Variants in CORO1C observed in about 807,000 individuals in gnomAD.
CORO1C encodes coronin 1C.
In CORO1C, 14 loss-of-function variants were observed where a neutral mutation model predicts 51.2. The ratio of observed to expected loss-of-function variants is 0.27; its 90% CI spans 0.18 to 0.43. The LOEUF is 0.43. Among genes scored for constraint, CORO1C ranks in the 20% least tolerant of loss-of-function variants. The probability of loss-of-function intolerance (pLI) is 1.00; values close to 1 mark genes in which losing one functional copy is unlikely to be tolerated. For missense variants in CORO1C, 417 were observed against 607.8 expected (o/e 0.69, Z 3.30); for synonymous variants, 181 against 210.5 (o/e 0.86, Z 1.21).
intron 2 of CORO1C, among the ~76,000 whole-genome samples, chr12:108,679,569 A>G (rs2034050893): frequency 6.6e-6 from 1 of 152,252 alleles, no homozygotes; most frequent in South Asian, 2.1e-4. Context: ...GAACCACTGC[A>G]ATGTATGGCT....
chr12:108,711,715 T>C (rs183756124), intron 1 of CORO1C, among the ~76,000 whole-genome samples: 98 of 149,646 alleles, frequency 6.5e-4, no homozygotes, highest in Admixed American at 1.4e-3. Context: ...ATAAGCTACA[T>C]AGGAAACATG....
In CORO1C at chr12:108,648,731, C is replaced by A. The variant is rs764648546; in HGVS notation, c.1179G>T (p.Gly393=). ...ADPILISLKH[G]YIPGKNRDLK... is the part of the protein sequence containing the mutation. ...GATCCCTGTTTTTGCCTGGAATGTA[C>A]CCGTGCTTCAAGGAGATGAGGATTG... is the stretch of plus-strand genomic sequence containing the variant. Residue 393 remains glycine (G), a synonymous_variant, in exon 10 of 11, where the codon GGG becomes GGT. Transcript: ENST00000261401. The A allele has an allele frequency of 6.2e-7, 1 of 1,614,164 alleles. No homozygotes were observed. Among genetic ancestry groups the A allele is most frequent in the Non-Finnish European group, 8.5e-7 (1 of 1,180,028 alleles).
intron 6 of CORO1C, among the ~76,000 whole-genome samples, chr12:108,656,037 G>A (rs1332759973): frequency 4.7e-5 from 7 of 150,146 alleles, no homozygotes; most frequent in South Asian, 2.1e-4. Context: ...CCGGGACCCC[G>A]TCTGGGAGGT....
intron 2 of CORO1C, among the ~76,000 whole-genome samples, chr12:108,686,228 A>C (rs570179194): frequency 6.6e-6 from 1 of 152,258 alleles, no homozygotes; most frequent in Non-Finnish European, 1.5e-5. Context: ...GAATCCATGT[A>C]TAATTAGCTA....
chr12:108,692,258 T>C (rs889301769), intron 2 of CORO1C, among the ~76,000 whole-genome samples: 6 of 152,116 alleles, frequency 3.9e-5, no homozygotes, highest in African/African-American at 1.4e-4. Flanking sequence ...CAGGAGGCAG[T>C]GAATGGGCAT....
chr12:108,728,184 C>T lies in CORO1C; in HGVS notation c.-6+3245G>A, dbSNP rs1380451146. ...AATATAGAGTTACCATACAACCCAT[C>T]GATTACATTCCTAGGTAAATACTCA... On this transcript the variant is annotated intron_variant, in intron 1 of 10. Transcript: ENST00000261401. Among the ~76,000 whole-genome samples, 4 of 152,156 alleles carry T rather than the reference C, an allele frequency of 2.6e-5. 1 individual carries two copies. The highest frequency in any genetic ancestry group is 4.8e-5 in the African/African-American group (2 of 41,490).
chr12:108,674,477 G>A (rs1353130242), intron 3 of CORO1C, among the ~76,000 whole-genome samples: 3 of 151,704 alleles, frequency 2.0e-5, no homozygotes, highest in African/African-American at 7.3e-5. Context: ...GAACCCAGGA[G>A]GCGGAGGTTG....
intron 2 of CORO1C, among the ~76,000 whole-genome samples, chr12:108,687,547 G>A (rs1224092705): frequency 2.0e-5 from 3 of 151,980 alleles, no homozygotes; most frequent in Non-Finnish European, 4.4e-5. Flanking sequence ...CACTTTGGGA[G>A]GCTGAGGCGG....
At chr12:108,663,445 A>C (rs896140543) in intron 3 of CORO1C, among the ~76,000 whole-genome samples, 33 of 152,284 alleles carry the variant, frequency 2.2e-4, no homozygotes, top group African/African-American at 7.5e-4. Context: ...CCATCTATCG[A>C]TAAATGGCTG....
At chr12:108,702,484 C>G (rs1194857234) in intron 1 of CORO1C, among the ~76,000 whole-genome samples, 1 of 152,190 alleles carries the variant, frequency 6.6e-6, no homozygotes, top group Non-Finnish European at 1.5e-5. Context: ...ACCAGGCCCT[C>G]CCTGATTAAG....
chr12:108,695,559 G>C (rs1373748325), intron 2 of CORO1C, among the ~76,000 whole-genome samples: 1 of 152,160 alleles, frequency 6.6e-6, no homozygotes, highest in Non-Finnish European at 1.5e-5. Context: ...AAGCAACTAA[G>C]AGAACCCAAT....
chr12:108,703,225 T>C (rs536664175), intron 1 of CORO1C: 131 of 313,864 alleles, frequency 4.2e-4, no homozygotes, highest in Admixed American at 1.3e-3. Context: ...TAAGCTAATG[T>C]AGAAGAAAAA....
At chr12:108,670,541 G>C (rs934403397) in intron 3 of CORO1C, among the ~76,000 whole-genome samples, 2 of 152,126 alleles carry the variant, frequency 1.3e-5, no homozygotes, top group Non-Finnish European at 1.5e-5. Flanking sequence ...AGCCAGGCTA[G>C]GAAATATTAG....
intron 3 of CORO1C, among the ~76,000 whole-genome samples, 190 bp from the exon 4 acceptor site, chr12:108,662,348 T>C (rs1245720775): frequency 6.6e-6 from 1 of 152,082 alleles, no homozygotes; most frequent in East Asian, 1.9e-4. Flanking sequence ...TTGTTTTTTG[T>C]TTTTCGTTTT....
chr12:108,684,886 T>C (rs1221419581), intron 2 of CORO1C, among the ~76,000 whole-genome samples: 1 of 152,126 alleles, frequency 6.6e-6, no homozygotes, highest in Non-Finnish European at 1.5e-5. Flanking sequence ...TTTTTTTTAC[T>C]CCCAAGGAAA....
At chr12:108,720,100 C>G (rs2035440392) in intron 1 of CORO1C, among the ~76,000 whole-genome samples, 1 of 152,112 alleles carries the variant, frequency 6.6e-6, no homozygotes, top group African/African-American at 2.4e-5. Context: ...GTGGGAGGAT[C>G]ACTTGAGCCT....
At chr12:108,670,209 C>A (rs902966021) in intron 3 of CORO1C, among the ~76,000 whole-genome samples, 8 of 152,172 alleles carry the variant, frequency 5.3e-5, no homozygotes, top group Admixed American at 5.2e-4. Flanking sequence ...AACAGCCACA[C>A]GACCTGCATG....
At chr12:108,704,365 G>A (rs1253142795) in intron 1 of CORO1C, among the ~76,000 whole-genome samples, 4 of 151,968 alleles carry the variant, frequency 2.6e-5, no homozygotes, top group Non-Finnish European at 4.4e-5. Context: ...CCAGCTACTC[G>A]GGAGGCTGAG....
chr12:108,676,173 G>C (rs1298353796), intron 3 of CORO1C, among the ~76,000 whole-genome samples: 1 of 152,164 alleles, frequency 6.6e-6, no homozygotes, highest in Admixed American at 6.5e-5. Context: ...CAAAAGTCAG[G>C]AGAGTGGTTA....
Sources: allele counts gnomAD v4.1 joint callset (sites outside exome capture counted in the v4.1 genomes callset), GRCh38; gene constraint gnomAD v4.1.1; transcripts MANE v1.5; gene names NCBI Gene and HGNC (gene_info 2026-07-23, HGNC 2026-07-21).